Variants in DYNC1I1 observed in about 807,000 individuals in gnomAD.
DYNC1I1 encodes cytoplasmic dynein 1 intermediate chain 1.
Under a neutral mutation model 86.6 loss-of-function variants are expected in DYNC1I1, and 43 were observed. The observed-to-expected ratio is 0.50, with a 90% confidence interval of 0.39 to 0.64. The LOEUF is 0.64. Ranked by LOEUF, DYNC1I1 falls within the 30% of genes least tolerant of loss-of-function variation. The probability of loss-of-function intolerance (pLI) is 0.00; values close to 1 mark genes in which losing one functional copy is unlikely to be tolerated. For synonymous variants in DYNC1I1, 262 were observed against 283.7 expected, an observed-to-expected ratio of 0.92 and a Z score of 0.77; for missense variants, 604 against 788.8, an observed-to-expected ratio of 0.77 and a Z score of 2.81.
intron 10 of DYNC1I1, among the ~76,000 whole-genome samples, chr7:96,009,940 C>T (rs903839860): frequency 4.6e-5 from 7 of 151,994 alleles, no homozygotes; most frequent in East Asian, 1.9e-4. Context: ...CCACCACACC[C>T]GGCAAATTTT....
chr7:95,954,439 G>T (rs1233957892), intron 6 of DYNC1I1, among the ~76,000 whole-genome samples: 2 of 151,870 alleles, frequency 1.3e-5, no homozygotes, highest in African/African-American at 2.4e-5. Flanking sequence ...GACACAGAAA[G>T]TTCTCTTGGG....
chr7:95,909,243 T>TGGGGGGGGGGGGGGG (rs55986463), intron 6 of DYNC1I1, among the ~76,000 whole-genome samples: 1 of 40,380 alleles, frequency 2.5e-5, no homozygotes, highest in Non-Finnish European at 4.3e-5. Context: ...GGGAGGGGGG[T>TGGGGGGGGGGGGGGG]GGGGGGGGGG....
At chr7:95,851,325 G>C (rs113706496) in intron 5 of DYNC1I1, among the ~76,000 whole-genome samples, 2 of 152,312 alleles carry the variant, frequency 1.3e-5, no homozygotes, top group African/African-American at 4.8e-5. Flanking sequence ...TGGACAAAGG[G>C]ATGATTGATG....
intron 6 of DYNC1I1, among the ~76,000 whole-genome samples, chr7:95,908,566 G>C (rs183249209): frequency 6.6e-6 from 1 of 152,222 alleles, no homozygotes; most frequent in East Asian, 1.9e-4. Flanking sequence ...CTGATTTCCT[G>C]AGCATTTTTC....
chr7:96,011,499 C>A (rs2115850166), intron 10 of DYNC1I1, among the ~76,000 whole-genome samples: 1 of 152,176 alleles, frequency 6.6e-6, no homozygotes. Context: ...ATTAAATAAC[C>A]TACTAGAACT....
chr7:95,853,894 A>T (rs1368584053), intron 5 of DYNC1I1, among the ~76,000 whole-genome samples: 3 of 152,142 alleles, frequency 2.0e-5, no homozygotes, highest in African/African-American at 7.2e-5. Context: ...CTTTATCCTC[A>T]TATGATGACC....
intron 6 of DYNC1I1, among the ~76,000 whole-genome samples, chr7:95,919,534 ACAT>A (rs1791558376): frequency 6.6e-6 from 1 of 152,232 alleles, no homozygotes; most frequent in South Asian, 2.1e-4. Flanking sequence ...AAAAGTTATG[ACAT>A]CATATGAGAA....
At chr7:95,999,640 A>T (rs1198038280) in intron 10 of DYNC1I1, among the ~76,000 whole-genome samples, 1 of 152,114 alleles carries the variant, frequency 6.6e-6, no homozygotes, top group East Asian at 1.9e-4. Context: ...CCTCAAAGAG[A>T]GTTCCGCCTG....
intron 6 of DYNC1I1, among the ~76,000 whole-genome samples, chr7:95,895,464 G>A (rs924214319): frequency 2.0e-5 from 3 of 152,082 alleles, no homozygotes; most frequent in Non-Finnish European, 2.9e-5. Context: ...ATTGGTCATT[G>A]TCAACTTCCG....
Position 96,019,992 on chromosome 7 carries a change from C to T in DYNC1I1, c.970-8183C>T, listed in dbSNP as rs142701123. Among the ~76,000 whole-genome samples, 1,018 of 151,564 alleles carry T rather than the reference C, an allele frequency of 6.7e-3. 7 individuals carry two copies. The highest frequency in any genetic ancestry group is 0.023 in the African/African-American group (938 of 41,294). On this transcript the variant is annotated intron_variant, in intron 10 of 16. Transcript: ENST00000447467. ...CCAGGGAAAATAGGCAAAGAAAATG[C>T]CTGTTCCATAGGTAGGGCAAGAACT...
At chr7:95,796,048 CA>C (rs147218430) in intron 1 of DYNC1I1, among the ~76,000 whole-genome samples, 4,792 of 145,866 alleles carry the variant, frequency 0.033, 248 homozygotes, top group African/African-American at 0.11. Flanking sequence ...TAATTAAGAC[CA>C]AAAAAAAAGC....
intron 5 of DYNC1I1, among the ~76,000 whole-genome samples, chr7:95,851,170 A>G (rs1789568241): frequency 6.6e-6 from 1 of 152,022 alleles, no homozygotes; most frequent in Admixed American, 6.6e-5. Flanking sequence ...CCTGGCCTCA[A>G]GCAATCCTCC....
At chr7:95,824,197 G>A (rs757472130) in intron 4 of DYNC1I1, among the ~76,000 whole-genome samples, 4 of 151,016 alleles carry the variant, frequency 2.6e-5, no homozygotes, top group Non-Finnish European at 5.9e-5. Context: ...TCGTCGTGTC[G>A]CCCAGGCTGG....
chr7:95,880,781 G>T (rs1790435929), intron 6 of DYNC1I1, among the ~76,000 whole-genome samples: 1 of 151,404 alleles, frequency 6.6e-6, no homozygotes, highest in East Asian at 1.9e-4. Flanking sequence ...GAGTAGCTGG[G>T]ATTACAGGTG....
chr7:95,889,622 G>C (rs759455337), intron 6 of DYNC1I1, among the ~76,000 whole-genome samples: 2 of 152,092 alleles, frequency 1.3e-5, no homozygotes, highest in Admixed American at 1.3e-4. Context: ...TTTCTGCACA[G>C]CAAAAGAAAC....
At chr7:96,038,022 A>C (rs1162897714) in intron 13 of DYNC1I1, among the ~76,000 whole-genome samples, 2 of 152,176 alleles carry the variant, frequency 1.3e-5, no homozygotes, top group East Asian at 1.9e-4. Flanking sequence ...GATGCTGTTA[A>C]GAGCAAGTGG....
At chr7:95,952,376 CAA>C (rs143645077) in intron 6 of DYNC1I1, among the ~76,000 whole-genome samples, 2 of 152,236 alleles carry the variant, frequency 1.3e-5, no homozygotes, top group East Asian at 3.9e-4. Flanking sequence ...TCACTAATGG[CAA>C]AGAGTGACAA....
At chr7:95,944,488 T>C (rs186512097) in intron 6 of DYNC1I1, among the ~76,000 whole-genome samples, 1 of 152,248 alleles carries the variant, frequency 6.6e-6, no homozygotes, top group African/African-American at 2.4e-5. Context: ...GATCTAGAAC[T>C]AGAAATACCA....
intron 10 of DYNC1I1, among the ~76,000 whole-genome samples, chr7:96,010,649 G>T (rs1013061568): frequency 2.0e-5 from 3 of 152,138 alleles, no homozygotes; most frequent in Non-Finnish European, 4.4e-5. Flanking sequence ...CTAGAGGGTG[G>T]TTCTAGTAAT....
Sources: allele counts gnomAD v4.1 joint callset (sites outside exome capture counted in the v4.1 genomes callset), GRCh38; gene constraint gnomAD v4.1.1; transcripts MANE v1.5; gene names NCBI Gene and HGNC (gene_info 2026-07-23, HGNC 2026-07-21).